Variants in ENPP3 observed in about 807,000 individuals in gnomAD.
ENPP3 encodes the protein ectonucleotide pyrophosphatase/phosphodiesterase family member 3.
Under a neutral mutation model 117.8 loss-of-function variants are expected in ENPP3, and 104 were observed. The ratio of observed to expected loss-of-function variants is 0.88; its 90% CI spans 0.75 to 1.04. The LOEUF (loss-of-function observed/expected upper bound fraction) is 1.04. Among genes scored for constraint, ENPP3 ranks in the 50% least tolerant of loss-of-function variants. The pLI is 0.00. For synonymous variants in ENPP3, 380 were observed against 349.9 expected, an observed-to-expected ratio of 1.09 and a Z score of -0.96; for missense variants, 1,026 against 1,051.9, an observed-to-expected ratio of 0.98 and a Z score of 0.34.
intron 12 of ENPP3, among the ~76,000 whole-genome samples, chr6:131,683,753 T>G (rs1271533798): frequency 1.3e-5 from 2 of 149,802 alleles, no homozygotes; most frequent in East Asian, 1.9e-4. Context: ...CTACAGGTTT[T>G]TTTTTTTTTT....
intron 6 of ENPP3, among the ~76,000 whole-genome samples, chr6:131,662,781 A>G (rs1778531011): frequency 6.6e-6 from 1 of 152,178 alleles, no homozygotes; most frequent in Non-Finnish European, 1.5e-5. Flanking sequence ...TTTGGGTAAT[A>G]GGAACATTTT....
chr6:131,735,506 C>A (rs1585734983), intron 21 of ENPP3, among the ~76,000 whole-genome samples: 1 of 151,988 alleles, frequency 6.6e-6, no homozygotes, highest in Non-Finnish European at 1.5e-5. Context: ...TGTAATCCCA[C>A]CTACTCGGGA....
Position 131,723,825 on chromosome 6 carries a change from T to TCACACACA in ENPP3, c.1747-214_1747-213insACACACAC, listed in dbSNP as rs780029112. 3.6e-3 allele frequency among the ~76,000 whole-genome samples: 503 copies of TCACACACA among 140,858 alleles called. 1 individual carries two copies. The highest frequency in any genetic ancestry group is 0.014 in the African/African-American group (478 of 33,722). The allele number at this position is 140,858 out of a possible 152,430, so 92.4% of individuals were successfully genotyped here. On this transcript the variant is annotated intron_variant, in intron 18 of 24. Transcript: ENST00000357639. ...AATTCTCTCTCTCTCTCTCTCTCTC[T>TCACACACA]CTCACACACACACACACACACACAC...
chr6:131,640,259 CT>C (rs1198795108), intron 1 of ENPP3, among the ~76,000 whole-genome samples: 1 of 152,168 alleles, frequency 6.6e-6, no homozygotes, highest in Non-Finnish European at 1.5e-5. Flanking sequence ...TGTTTTTCTG[CT>C]TTGTAGTCAC....
chr6:131,726,953 T>A (rs1302607647), intron 20 of ENPP3, among the ~76,000 whole-genome samples: 2 of 152,216 alleles, frequency 1.3e-5, no homozygotes, highest in East Asian at 1.9e-4. Context: ...ATCTTTATGA[T>A]CTTGTGATAG....
rs1167068649 is a variant in ENPP3 at position 131,733,679 on chromosome 6, A to G, written c.2045A>G (p.Tyr682Cys). The G allele has an allele frequency of 2.5e-6, 4 of 1,613,980 alleles. No homozygotes were observed. Among genetic ancestry groups the G allele is most frequent in the East Asian group, 2.2e-5 (1 of 44,890 alleles). ...PPSESQKCSF[Y>C]LADKNITHGF... ...TCTGAGAGCCAAAAATGTTCCTTCT[A>G]TTTAGCAGACAAGAATATCACCCAC... The change falls in exon 21 of 25, where the codon TAT (tyrosine) becomes TGT (cysteine). Residue 682 changes from tyrosine (Y) to cysteine (C), a missense_variant. Coordinates refer to ENST00000357639, the MANE Select transcript of ENPP3 (RefSeq NM_005021.5).
At chr6:131,685,304 A>C in intron 12 of ENPP3, 60 bp from the exon 13 acceptor site, 1 of 1,417,162 alleles carries the variant, frequency 7.1e-7, no homozygotes, top group Non-Finnish European at 9.8e-7. Context: ...GACAAGACAG[A>C]AATCAACCGT....
chr6:131,733,586 A>G lies in ENPP3; in HGVS notation c.1954-2A>G. On this transcript the variant is annotated splice_acceptor_variant, in intron 20 of 24. Transcript: ENST00000357639. LOFTEE classifies it high-confidence loss of function. ...AATTTTTTTCTCTCTCTCTTTGAAC[A>G]GGGAGACACATCGCCTCTGCCTCCC... is the stretch of plus-strand genomic sequence containing the variant. 2 of 1,611,386 alleles carry G rather than the reference A, an allele frequency of 1.2e-6. No homozygotes were observed. Among genetic ancestry groups the G allele is most frequent in the South Asian group, 1.1e-5 (1 of 90,738 alleles).
At position 131,746,911 on chromosome 6, in the gene ENPP3, T is replaced by C. The variant is rs1232730056; in HGVS notation, c.2583T>C (p.Ile861=). The change falls in exon 25 of 25, where the codon ATT becomes ATC. Residue 861 remains isoleucine (I), a synonymous_variant. Coordinates refer to ENST00000357639, the MANE Select transcript of ENPP3 (RefSeq NM_005021.5). ...YQDKVQPVSE[I]LQLKTYLPTF... is the part of the protein sequence containing the mutation. ...ATAAAGTGCAGCCTGTCTCTGAAAT[T>C]TTGCAACTAAAGACATATTTACCAA... 1 of 1,611,182 alleles carries C rather than the reference T, an allele frequency of 6.2e-7. No homozygotes were observed. Among genetic ancestry groups the C allele is most frequent in the African/African-American group, 1.3e-5 (1 of 74,972 alleles).
At chr6:131,651,630 T>C (rs1778265220) in intron 3 of ENPP3, among the ~76,000 whole-genome samples, 1 of 152,146 alleles carries the variant, frequency 6.6e-6, no homozygotes, top group Non-Finnish European at 1.5e-5. Context: ...CAGCTTACAA[T>C]GTTTAATTCC....
intron 24 of ENPP3, among the ~76,000 whole-genome samples, chr6:131,746,540 A>G (rs2114593327): frequency 6.6e-6 from 1 of 152,274 alleles, no homozygotes. Flanking sequence ...AATTTCATTA[A>G]AAAAATTACA....
intron 14 of ENPP3, among the ~76,000 whole-genome samples, chr6:131,692,800 T>TATATG (rs1779309929): frequency 7.0e-6 from 1 of 143,832 alleles, no homozygotes; most frequent in African/African-American, 2.6e-5. Context: ...AATATGTAGT[T>TATATG]ATATATGATA....
At chr6:131,689,797 A>G (rs370370703) in intron 14 of ENPP3, among the ~76,000 whole-genome samples, 58 of 152,362 alleles carry the variant, frequency 3.8e-4, no homozygotes, top group African/African-American at 1.3e-3. Context: ...ATGATTCACC[A>G]TTCTAGATAC....
intron 14 of ENPP3, among the ~76,000 whole-genome samples, chr6:131,687,338 C>A (rs777681147): frequency 9.9e-5 from 15 of 152,154 alleles, no homozygotes; most frequent in African/African-American, 3.1e-4. Flanking sequence ...GGACCCCTAC[C>A]TTTTGCCATA....
At chr6:131,664,934 T>G (rs925633468) in intron 6 of ENPP3, among the ~76,000 whole-genome samples, 2 of 152,166 alleles carry the variant, frequency 1.3e-5, no homozygotes, top group African/African-American at 4.8e-5. Flanking sequence ...ACTGTATTCC[T>G]AGTTTGTTGA....
chr6:131,639,139 T>A (rs1403165539), intron 1 of ENPP3, among the ~76,000 whole-genome samples: 1 of 152,010 alleles, frequency 6.6e-6, no homozygotes, highest in East Asian at 1.9e-4. Flanking sequence ...TAAAACAATG[T>A]GTGTAAGTAT....
At chr6:131,645,405 T>C (rs1033871523) in intron 2 of ENPP3, among the ~76,000 whole-genome samples, 9 of 152,230 alleles carry the variant, frequency 5.9e-5, no homozygotes, top group African/African-American at 2.2e-4. Context: ...GAATAAAGTC[T>C]TTCATTTTAG....
chr6:131,666,217 A>T (rs1185818818), intron 6 of ENPP3, among the ~76,000 whole-genome samples: 3 of 152,024 alleles, frequency 2.0e-5, no homozygotes, highest in Admixed American at 6.6e-5. Context: ...TAAAAAAAAA[A>T]CCTGCTGATA....
At chr6:131,683,327 A>T (rs573975864) in intron 12 of ENPP3, among the ~76,000 whole-genome samples, 165 bp downstream of exon 12, 1 of 152,218 alleles carries the variant, frequency 6.6e-6, no homozygotes, top group Non-Finnish European at 1.5e-5. Context: ...AGAGGACTAC[A>T]TTAAATTTTC....
Sources: gnomAD v4.1 joint callset for allele counts (sites outside exome capture counted in the v4.1 genomes callset) on GRCh38, gnomAD v4.1.1 for gene constraint, MANE v1.5 for transcripts, NCBI Gene and HGNC (gene_info 2026-07-23, HGNC 2026-07-21) for gene names.